NTM: variants seen among roughly 807,000 people sequenced by gnomAD.
NTM encodes IgLON family member 2.
Under a neutral mutation model 42.1 loss-of-function variants are expected in NTM, and 13 were observed. The observed-to-expected ratio is 0.31, with a 90% confidence interval of 0.20 to 0.49. NTM has a LOEUF of 0.49. Among genes scored for constraint, NTM ranks in the 20% least tolerant of loss-of-function variants. The probability of loss-of-function intolerance (pLI) is 0.99; values close to 1 mark genes in which losing one functional copy is unlikely to be tolerated. For missense variants in NTM, 373 were observed against 452.8 expected, an observed-to-expected ratio of 0.82 and a Z score of 1.60; for synonymous variants, 187 against 179.2, an observed-to-expected ratio of 1.04 and a Z score of -0.35.
rs118143335 is a variant in NTM at position 132,306,923 on chromosome 11, A to G, written c.527-766A>G. Among the ~76,000 whole-genome samples, 1,333 of 152,308 alleles carry G rather than the reference A, an allele frequency of 8.8e-3. 8 individuals are homozygous for G. Among genetic ancestry groups the G allele is most frequent in the Non-Finnish European group, 0.013 (899 of 68,024 alleles). On this transcript the variant is annotated intron_variant, in intron 4 of 8. Coordinates refer to ENST00000683400, the MANE Select transcript of NTM (RefSeq NM_001352005.2). ...CCAGACGTCAGGCACAGAGTCTGGTATGTGAAGCGTTGTTATTATTACTCA... is the reference window on the plus strand; with the variant it reads ...CCAGACGTCAGGCACAGAGTCTGGTGTGTGAAGCGTTGTTATTATTACTCA...
chr11:132,203,590 A>G (rs1347771984), intron 3 of NTM, among the ~76,000 whole-genome samples: 2 of 152,144 alleles, frequency 1.3e-5, no homozygotes, highest in Admixed American at 6.5e-5. Context: ...TTTCTAACCC[A>G]TATTATTTCC....
intron 1 of NTM, among the ~76,000 whole-genome samples, chr11:131,874,222 A>G (rs909634747): frequency 6.6e-6 from 1 of 151,184 alleles, no homozygotes; most frequent in Non-Finnish European, 1.5e-5. Flanking sequence ...TCTCCTGCAC[A>G]CAAATGGGAT....
At chr11:131,631,248 C>T (rs1038976821) in intron 1 of NTM, among the ~76,000 whole-genome samples, 3 of 152,144 alleles carry the variant, frequency 2.0e-5, no homozygotes, top group East Asian at 1.9e-4. Flanking sequence ...ATGAAAAGCA[C>T]GTAGCTTACT....
chr11:131,926,453 G>A (rs2057966645), intron 2 of NTM, among the ~76,000 whole-genome samples: 1 of 152,130 alleles, frequency 6.6e-6, no homozygotes, highest in Non-Finnish European at 1.5e-5. Context: ...ACTGTGGGGA[G>A]AGCCATGCAG....
At chr11:131,443,522 G>C (rs1591679204) in intron 1 of NTM, among the ~76,000 whole-genome samples, 2 of 152,178 alleles carry the variant, frequency 1.3e-5, no homozygotes, top group East Asian at 3.9e-4. Flanking sequence ...GATGCCCAAG[G>C]CTGGAAATAT....
intron 2 of NTM, among the ~76,000 whole-genome samples, chr11:132,087,317 C>G (rs1333143223): frequency 6.6e-6 from 1 of 152,082 alleles, no homozygotes; most frequent in Admixed American, 6.5e-5. Context: ...CTCATTTATG[C>G]CATGGATACT....
chr11:131,648,462 C>A (rs1450092236), intron 1 of NTM, among the ~76,000 whole-genome samples: 1 of 152,166 alleles, frequency 6.6e-6, no homozygotes, highest in Non-Finnish European at 1.5e-5. Flanking sequence ...TACACTCCCA[C>A]CAATAGTGTA....
At chr11:132,131,820 A>G (rs1261709879) in intron 2 of NTM, among the ~76,000 whole-genome samples, 2 of 152,204 alleles carry the variant, frequency 1.3e-5, no homozygotes, top group Admixed American at 6.5e-5. Context: ...CCAAAAGAGC[A>G]GGTGGAAGAG....
Position 131,951,705 on chromosome 11 carries a change from C to A in NTM, c.167+40057C>A, listed in dbSNP as rs146954133. ...GGTGTGGTGGTGTGTGCCTGTATTC[C>A]CAGCTACTCAGGAGGCTGAGGCAGG... On this transcript the variant is annotated intron_variant, in intron 2 of 8. Coordinates refer to ENST00000683400, the MANE Select transcript of NTM (RefSeq NM_001352005.2). 9.5e-3 allele frequency among the ~76,000 whole-genome samples: 1,439 copies of A among 151,720 alleles called. 11 individuals carry two copies. The highest frequency in any genetic ancestry group is 0.014 in the Admixed American group (217 of 15,222).
At chr11:132,319,504 C>T (rs146309021) in intron 7 of NTM, among the ~76,000 whole-genome samples, 2,712 of 152,310 alleles carry the variant, frequency 0.018, 38 homozygotes, top group Non-Finnish European at 0.03. Flanking sequence ...CCTACACCCA[C>T]GGAGTCTCAC....
chr11:131,870,179 T>C (rs12574509), intron 1 of NTM, among the ~76,000 whole-genome samples: 49,130 of 152,108 alleles, frequency 0.32, 9,112 homozygotes, highest in East Asian at 0.44. Context: ...AATAGTTCCA[T>C]GCTGAAGTCA....
intron 2 of NTM, among the ~76,000 whole-genome samples, chr11:132,136,394 C>T (rs188952991): frequency 6.6e-6 from 1 of 152,336 alleles, no homozygotes; most frequent in Admixed American, 6.5e-5. Context: ...ACAAGGCCCA[C>T]CTCGAACCCA....
chr11:132,259,739 T>C (rs2092729858), intron 4 of NTM, among the ~76,000 whole-genome samples: 1 of 145,580 alleles, frequency 6.9e-6, no homozygotes, highest in East Asian at 2.0e-4. Flanking sequence ...TTTTTTGTTT[T>C]TGTTTGTTTG....
chr11:132,120,123 A>AT (rs10706865), intron 2 of NTM, among the ~76,000 whole-genome samples: 36 of 149,864 alleles, frequency 2.4e-4, no homozygotes, highest in East Asian at 8.0e-4. Context: ...TCGGCTGATG[A>AT]TTTTTTTTTT....
intron 1 of NTM, among the ~76,000 whole-genome samples, chr11:131,796,408 T>C (rs1461061234): frequency 2.0e-5 from 3 of 152,094 alleles, no homozygotes; most frequent in Non-Finnish European, 4.4e-5. Context: ...ATAGTAGGTG[T>C]TGAAGGAAGA....
chr11:131,552,612 G>A (rs1399239533), intron 1 of NTM, among the ~76,000 whole-genome samples: 1 of 151,662 alleles, frequency 6.6e-6, no homozygotes, highest in Non-Finnish European at 1.5e-5. Flanking sequence ...TCAGGAGATC[G>A]AGACCATCCT....
chr11:131,487,908 T>C (rs1343827843), intron 1 of NTM, among the ~76,000 whole-genome samples: 1 of 152,166 alleles, frequency 6.6e-6, no homozygotes, highest in Non-Finnish European at 1.5e-5. Flanking sequence ...ATTTGCCAAG[T>C]TCAACTAGAA....
chr11:132,047,497 C>T lies in NTM; in HGVS notation c.168-98785C>T, dbSNP rs142632220. On this transcript the variant is annotated intron_variant, in intron 2 of 8. Coordinates refer to ENST00000683400, the MANE Select transcript of NTM (RefSeq NM_001352005.2). ...TTCCAATTCAAATGCCAGTTTTCTT[C>T]AAAGGATTGATCTCAGCACCTCTTA... Among the ~76,000 whole-genome samples, 3 of 152,356 alleles carry T rather than the reference C, an allele frequency of 2.0e-5. No individual in the cohort carries two copies. The East Asian group carries it at 5.8e-4, about 29-fold the overall frequency.
chr11:131,589,325 A>G (rs1486580610), intron 1 of NTM, among the ~76,000 whole-genome samples: 1 of 152,124 alleles, frequency 6.6e-6, no homozygotes, highest in Admixed American at 6.5e-5. Flanking sequence ...CCTGGGACAC[A>G]CATTCTTCAT....
Sources: allele counts gnomAD v4.1 joint callset (sites outside exome capture counted in the v4.1 genomes callset), GRCh38; gene constraint gnomAD v4.1.1; transcripts MANE v1.5; gene names NCBI Gene and HGNC (gene_info 2026-07-23, HGNC 2026-07-21).